The following HMG20A variants were observed in gnomAD, a reference collection of about 807,000 sequenced individuals.
The protein encoded by HMG20A is high mobility group protein 20A.
Under a neutral mutation model 43.9 loss-of-function variants are expected in HMG20A, and 17 were observed. The observed-to-expected ratio is 0.39, with a 90% CI of 0.27 to 0.58. The LOEUF is 0.58. HMG20A is among the 20% of genes least tolerant of loss of function. The pLI, the probability that HMG20A is intolerant of heterozygous loss-of-function variation, is 0.59. For synonymous variants in HMG20A, 132 were observed against 147.5 expected (o/e 0.89, Z 0.76); for missense variants, 341 against 438.2 (o/e 0.78, Z 1.98).
intron 6 of HMG20A, among the ~76,000 whole-genome samples, chr15:77,473,358 TTCTC>T (rs2072827427): frequency 6.6e-6 from 1 of 152,228 alleles, no homozygotes; most frequent in East Asian, 1.9e-4. Context: ...GTATAATTAC[TTCTC>T]TCTTTCTTTG....
chr15:77,459,712 G>A (rs997649558), intron 2 of HMG20A, among the ~76,000 whole-genome samples: 2 of 152,340 alleles, frequency 1.3e-5, no homozygotes, highest in East Asian at 3.9e-4. Context: ...CAGGAGGACA[G>A]TGTGACTAGA....
the HMG20A span, among the ~76,000 whole-genome samples, chr15:77,495,296 C>T: frequency 6.6e-6 from 1 of 152,206 alleles, no homozygotes; most frequent in Non-Finnish European, 1.5e-5. Flanking sequence ...GCCTGAAATC[C>T]CAGCACTTTG....
the HMG20A span, among the ~76,000 whole-genome samples, chr15:77,509,555 C>CGTGT: frequency 1.5e-3 from 168 of 115,464 alleles, no homozygotes; most frequent in African/African-American, 3.6e-3. Context: ...TGTGCCCAGC[C>CGTGT]GTGTGTGTGT....
chr15:77,514,553 G>A, the HMG20A span, among the ~76,000 whole-genome samples: 62 of 152,332 alleles, frequency 4.1e-4, no homozygotes, highest in East Asian at 0.011. Flanking sequence ...AGTGAAGTGT[G>A]GAGTGAAGTG....
chr15:77,493,876 G>A, the HMG20A span, among the ~76,000 whole-genome samples: 1 of 152,172 alleles, frequency 6.6e-6, no homozygotes, highest in Non-Finnish European at 1.5e-5. Flanking sequence ...AGCCTTGTGG[G>A]AATGTTTATT....
intron 1 of HMG20A, among the ~76,000 whole-genome samples, chr15:77,439,328 A>G (rs2073585304): frequency 6.6e-6 from 1 of 152,138 alleles, no homozygotes; most frequent in Non-Finnish European, 1.5e-5. Flanking sequence ...AAAATCAATG[A>G]ATTTTTACAT....
At chr15:77,455,526 AT>A (rs2072645731) in intron 1 of HMG20A, among the ~76,000 whole-genome samples, 1 of 151,856 alleles carries the variant, frequency 6.6e-6, no homozygotes, top group African/African-American at 2.4e-5. Context: ...GCAAAGTAAT[AT>A]CATTTTTGTG....
chr15:77,510,644 C>T, the HMG20A span, among the ~76,000 whole-genome samples: 1 of 152,172 alleles, frequency 6.6e-6, no homozygotes, highest in East Asian at 1.9e-4. Flanking sequence ...GGTCAGGGTT[C>T]AAGTGCTGGG....
chr15:77,422,608 C>T (rs138457044), intron 1 of HMG20A, among the ~76,000 whole-genome samples: 7 of 152,090 alleles, frequency 4.6e-5, no homozygotes, highest in Admixed American at 3.9e-4. Flanking sequence ...AGTGAGACTC[C>T]GTCTCAAAAA....
chr15:77,503,353 G>C, the HMG20A span, among the ~76,000 whole-genome samples: 73 of 152,120 alleles, frequency 4.8e-4, no homozygotes, highest in African/African-American at 1.7e-3. Flanking sequence ...TAAAATTGTT[G>C]ACTGAAAGTT....
At chr15:77,516,793 C>G in the HMG20A span, among the ~76,000 whole-genome samples, 1 of 152,120 alleles carries the variant, frequency 6.6e-6, no homozygotes, top group Non-Finnish European at 1.5e-5. Context: ...ACAGCAAGCG[C>G]GTAGGCTAGA....
At chr15:77,504,865 C>T in the HMG20A span, among the ~76,000 whole-genome samples, 1 of 152,210 alleles carries the variant, frequency 6.6e-6, no homozygotes, top group Admixed American at 6.5e-5. Context: ...TTCTACAGTA[C>T]TCTGAGGCTC....
chr15:77,426,681 T>G (rs765736623), intron 1 of HMG20A, among the ~76,000 whole-genome samples: 3 of 152,088 alleles, frequency 2.0e-5, no homozygotes, highest in Non-Finnish European at 4.4e-5. Context: ...TCCTGAAATA[T>G]ACACTAAAGG....
chr15:77,421,083 G>A, intron 1 of HMG20A, 79 bp downstream of exon 1: 1 of 395,542 alleles, frequency 2.5e-6, no homozygotes, highest in East Asian at 3.6e-5. Flanking sequence ...TCTTTTGGTG[G>A]TGGTGGTACT....
At chr15:77,473,955 C>T (rs1487343298) in intron 6 of HMG20A, among the ~76,000 whole-genome samples, 5 of 152,122 alleles carry the variant, frequency 3.3e-5, no homozygotes, top group African/African-American at 1.2e-4. Context: ...TTATTTTTCA[C>T]TGAATAATAT....
chr15:77,490,261 CTGAG>C (rs1434980559), downstream of HMG20A, among the ~76,000 whole-genome samples: 1 of 151,952 alleles, frequency 6.6e-6, no homozygotes, highest in African/African-American at 2.4e-5. Context: ...GCACTCCAGC[CTGAG>C]TAACAGAGCA....
chr15:77,454,647 A>G (rs1356399248), intron 1 of HMG20A, among the ~76,000 whole-genome samples: 1 of 152,212 alleles, frequency 6.6e-6, no homozygotes, highest in Non-Finnish European at 1.5e-5. Context: ...ATCTAAAGCC[A>G]AAACTCAGAG....
chr15:77,430,256 C>A (rs757233723), intron 1 of HMG20A, among the ~76,000 whole-genome samples: 4 of 152,132 alleles, frequency 2.6e-5, no homozygotes, highest in Non-Finnish European at 5.9e-5. Context: ...ATTGAAACTT[C>A]AAATGTTTAA....
chr15:77,422,060 G>A (rs1002525683), intron 1 of HMG20A, among the ~76,000 whole-genome samples: 11 of 152,106 alleles, frequency 7.2e-5, no homozygotes, highest in Non-Finnish European at 8.8e-5. Flanking sequence ...TATGTGAGGC[G>A]GTAATAAACA....
Sources: allele counts gnomAD v4.1 joint callset (sites outside exome capture counted in the v4.1 genomes callset), GRCh38; gene constraint gnomAD v4.1.1; transcripts MANE v1.5; gene names NCBI Gene and HGNC (gene_info 2026-07-23, HGNC 2026-07-21).